PPP1R1C: variants seen among roughly 807,000 people sequenced by gnomAD.
PPP1R1C encodes protein phosphatase 1 regulatory subunit 1C.
Under a neutral mutation model 17.4 loss-of-function variants are expected in PPP1R1C, and 15 were observed. The ratio of observed to expected loss-of-function variants is 0.86; its 90% CI spans 0.58 to 1.33. The LOEUF (loss-of-function observed/expected upper bound fraction) is 1.33. Among genes scored for constraint, PPP1R1C ranks in the 40% most tolerant of loss-of-function variants. The probability of loss-of-function intolerance (pLI) is 0.00; values close to 1 mark genes in which losing one functional copy is unlikely to be tolerated. For missense variants in PPP1R1C, 143 were observed against 130.0 expected, an observed-to-expected ratio of 1.10 and a Z score of -0.48; for synonymous variants, 35 against 43.1, an observed-to-expected ratio of 0.81 and a Z score of 0.73.
At chr2:182,084,489 A>G (rs1688571766) in intron 4 of PPP1R1C, among the ~76,000 whole-genome samples, 2 of 152,030 alleles carry the variant, frequency 1.3e-5, no homozygotes, top group East Asian at 3.9e-4. Context: ...ACATGTGGCT[A>G]TCCAGTTTTC....
At chr2:182,093,591 T>C (rs1302080748) in intron 4 of PPP1R1C, among the ~76,000 whole-genome samples, 1 of 152,224 alleles carries the variant, frequency 6.6e-6, no homozygotes, top group East Asian at 1.9e-4. Flanking sequence ...TAAAACTGAA[T>C]GCCTTTAACA....
At chr2:182,018,197 G>A (rs1686314641) in intron 2 of PPP1R1C, among the ~76,000 whole-genome samples, 2 of 152,098 alleles carry the variant, frequency 1.3e-5, no homozygotes, top group Non-Finnish European at 2.9e-5. Context: ...TAAAAACATT[G>A]AGAGTATAAT....
intron 2 of PPP1R1C, among the ~76,000 whole-genome samples, chr2:182,034,289 A>C (rs937460171): frequency 1.3e-5 from 2 of 152,154 alleles, no homozygotes; most frequent in African/African-American, 4.8e-5. Context: ...GTTGGATTAA[A>C]AGGTGGCATC....
At chr2:182,083,619 T>A (rs1688544048) in intron 4 of PPP1R1C, among the ~76,000 whole-genome samples, 1 of 152,174 alleles carries the variant, frequency 6.6e-6, no homozygotes, top group African/African-American at 2.4e-5. Flanking sequence ...CTGAGTAGTA[T>A]TCTACAGTGT....
At chr2:182,080,423 C>A (rs978457953) in intron 4 of PPP1R1C, among the ~76,000 whole-genome samples, 1 of 152,154 alleles carries the variant, frequency 6.6e-6, no homozygotes. Flanking sequence ...ACTAATCAAC[C>A]TTTTGGTCCT....
intron 2 of PPP1R1C, among the ~76,000 whole-genome samples, chr2:182,000,923 G>A (rs1685742668): frequency 6.6e-6 from 1 of 152,108 alleles, no homozygotes; most frequent in African/African-American, 2.4e-5. Context: ...ATTCCTCTCT[G>A]GATAGGATGG....
chr2:182,044,674 T>G (rs932748826), intron 2 of PPP1R1C, among the ~76,000 whole-genome samples: 16 of 152,222 alleles, frequency 1.1e-4, no homozygotes, highest in Admixed American at 4.6e-4. Flanking sequence ...GGTTGCTTTT[T>G]AATCATCTGT....
At chr2:181,973,098 A>T (rs1307033999) in intron 1 of PPP1R1C, among the ~76,000 whole-genome samples, 1 of 152,178 alleles carries the variant, frequency 6.6e-6, no homozygotes, top group African/African-American at 2.4e-5. Flanking sequence ...GGTGATCCCC[A>T]AAACAGGTTG....
intron 4 of PPP1R1C, among the ~76,000 whole-genome samples, chr2:182,109,095 T>C (rs1470775517): frequency 6.6e-6 from 1 of 152,240 alleles, no homozygotes; most frequent in East Asian, 1.9e-4. Flanking sequence ...CAGTTCTTAA[T>C]GAAAGATGAT....
intron 4 of PPP1R1C, among the ~76,000 whole-genome samples, chr2:182,073,422 A>G (rs183407256): frequency 9.2e-5 from 14 of 152,294 alleles, no homozygotes; most frequent in Admixed American, 5.9e-4. Context: ...CAAAATTATA[A>G]ATTCATTCAC....
rs564023811 is a variant in PPP1R1C at position 182,004,889 on chromosome 2, A to G, written c.142+16990A>G. ...AGTACTGGAGTACTGAATTAAAGCT[A>G]TAGATGCTGGGGCCTTTTCTAACAA... is the stretch of plus-strand genomic sequence containing the variant. On this transcript the variant is annotated intron_variant, in intron 2 of 4. Transcript: ENST00000682840. Among the ~76,000 whole-genome samples, 56 of 152,316 alleles carry G rather than the reference A, an allele frequency of 3.7e-4. 2 individuals are homozygous for G. The South Asian group carries it at 0.011, about 31-fold the overall frequency.
At position 182,098,660 on chromosome 2, in the gene PPP1R1C, G is replaced by A. The variant is rs573523681; in HGVS notation, c.242-18547G>A. ...AAAAAAATCAGAATTAAGAATATTT[G>A]TAATTTTGTAATAATATTAATGCAA... is the stretch of plus-strand genomic sequence containing the variant. On this transcript the variant is annotated intron_variant, in intron 4 of 4. Coordinates refer to ENST00000682840, the MANE Select transcript of PPP1R1C (RefSeq NM_001080545.3). 2.0e-5 allele frequency among the ~76,000 whole-genome samples: 3 copies of A among 152,234 alleles called. No individual in the cohort carries two copies. The South Asian group carries it at 6.2e-4, about 32-fold the overall frequency.
intron 4 of PPP1R1C, among the ~76,000 whole-genome samples, chr2:182,090,034 CA>C (rs1390925284): frequency 6.6e-6 from 1 of 151,704 alleles, no homozygotes; most frequent in Non-Finnish European, 1.5e-5. Context: ...AAAGTCTAAC[CA>C]AAAGCAAATC....
chr2:182,060,255 A>G (rs773290944), intron 2 of PPP1R1C, among the ~76,000 whole-genome samples: 14 of 152,102 alleles, frequency 9.2e-5, no homozygotes, highest in East Asian at 1.9e-4. Flanking sequence ...TCCATATACT[A>G]TTCCCATTCT....
intron 2 of PPP1R1C, among the ~76,000 whole-genome samples, chr2:182,008,400 G>GGTA (rs1392712759): frequency 6.6e-6 from 1 of 152,108 alleles, no homozygotes; most frequent in Non-Finnish European, 1.5e-5. Flanking sequence ...TTACTTTGAA[G>GGTA]GTAGTAGTGT....
At chr2:182,018,892 G>A (rs1170629783) in intron 2 of PPP1R1C, among the ~76,000 whole-genome samples, 1 of 152,106 alleles carries the variant, frequency 6.6e-6, no homozygotes, top group Non-Finnish European at 1.5e-5. Flanking sequence ...TGAGGATGAT[G>A]AGAGAGTCAA....
chr2:181,962,524 AC>A lies in PPP1R1C; in HGVS notation n.111+7893del, dbSNP rs1158410108. 3.5e-5 allele frequency: 22 copies of A among 624,922 alleles called. No individual in the cohort carries two copies. The highest frequency in any genetic ancestry group is 6.5e-5 in the Non-Finnish European group (22 of 340,830). The allele number at this position is 624,922 out of a possible 1,614,324, so 38.7% of individuals were successfully genotyped here. A position where few individuals can be genotyped will look rare whatever the true frequency, so the allele number is the denominator to read the frequency against. ...AGAGGACAGGACTCAGGCTTTGCCG[AC>A]CCGTCATAGCAGTTTTCTAAGGAAC... is the stretch of plus-strand genomic sequence containing the variant. On this transcript the variant is annotated intron_variant and non_coding_transcript_variant, in intron 1 of 5. Transcript: ENST00000464264. This position sits in a 1 kb window ranked among gnomAD's most constrained non-coding sequence, Gnocchi z 6.0.
intron 5 of PPP1R1C, among the ~76,000 whole-genome samples, chr2:182,124,327 G>GTTTTTTTTTT (rs1294464668): frequency 1.3e-4 from 11 of 83,002 alleles, no homozygotes; most frequent in South Asian, 3.8e-4. Flanking sequence ...TTTTTTTTTT[G>GTTTTTTTTTT]TTTTTTTTTT....
intron 2 of PPP1R1C, among the ~76,000 whole-genome samples, chr2:182,048,410 A>G (rs146738284): frequency 6.6e-6 from 1 of 152,366 alleles, no homozygotes; most frequent in East Asian, 1.9e-4. Flanking sequence ...AGGCTTCACT[A>G]TAGCTGGCTT....
Sources: gnomAD v4.1 joint callset for allele counts (sites outside exome capture counted in the v4.1 genomes callset) on GRCh38, gnomAD v4.1.1 for gene constraint, Gnocchi (gnomAD v3.1) non-coding constraint, MANE v1.5 for transcripts, NCBI Gene and HGNC (gene_info 2026-07-23, HGNC 2026-07-21) for gene names.